The following EIF3H variants were observed in gnomAD, a reference collection of about 807,000 sequenced individuals.
The protein encoded by EIF3H is eIF-3-gamma.
In EIF3H, 26 loss-of-function variants were observed where a neutral mutation model predicts 44.2. That is an observed-to-expected ratio of 0.59 (90% confidence interval 0.43 to 0.82). The LOEUF (loss-of-function observed/expected upper bound fraction) is 0.82. Among genes scored for constraint, EIF3H ranks in the 40% least tolerant of loss-of-function variants. The pLI is 0.00. For synonymous variants in EIF3H, 166 were observed against 151.9 expected (o/e 1.09, Z -0.68); for missense variants, 359 against 432.8 (o/e 0.83, Z 1.51).
intron 2 of EIF3H, among the ~76,000 whole-genome samples, chr8:116,696,457 A>T (rs891285979): frequency 6.6e-6 from 1 of 152,244 alleles, no homozygotes; most frequent in Non-Finnish European, 1.5e-5. Context: ...GAATAGTTAC[A>T]AAGTTCCCCA....
intron 2 of EIF3H, among the ~76,000 whole-genome samples, chr8:116,723,285 T>C (rs954055856): frequency 2.6e-5 from 4 of 152,182 alleles, no homozygotes; most frequent in Middle Eastern, 3.2e-3. Context: ...CTAGTGATTA[T>C]TTAAATATAA....
At position 116,755,769 on chromosome 8, in the gene EIF3H, G is replaced by T. The variant is rs372852390; in HGVS notation, c.29C>A (p.Ser10Tyr). 2 of 1,613,958 alleles carry T rather than the reference G, an allele frequency of 1.2e-6. No individual in the cohort carries two copies. The highest frequency in any genetic ancestry group is 1.7e-5 in the Admixed American group (1 of 60,012). The change falls in exon 1 of 8, where the codon TCT becomes TAT. Residue 10 changes from serine (S) to tyrosine (Y), a missense_variant. Ser to Tyr is a moderately radical substitution (Grantham distance 144). Transcript: ENST00000521861. The part of the protein sequence containing the change: MASRKEGTG[S>Y]TATSSSSTAG... ...GGTGGAGCTGGAAGAGGTGGCAGTA[G>T]AGCCGGTACCTTCCTTGCGGGACGC...
chr8:116,662,851 G>C (rs1274377733), intron 2 of EIF3H, among the ~76,000 whole-genome samples: 1 of 152,180 alleles, frequency 6.6e-6, no homozygotes, highest in African/African-American at 2.4e-5. Context: ...ATGGCATGCT[G>C]GTTAAGTTTT....
chr8:116,729,271 C>T (rs1295928662), intron 1 of EIF3H, among the ~76,000 whole-genome samples: 1 of 152,178 alleles, frequency 6.6e-6, no homozygotes, highest in African/African-American at 2.4e-5. Flanking sequence ...AAAGGGAATA[C>T]TGGTGACTAG....
intron 7 of EIF3H, 91 bp downstream of exon 7, chr8:116,646,380 C>T (rs1329130810): frequency 1.3e-5 from 21 of 1,565,118 alleles, no homozygotes; most frequent in Middle Eastern, 1.8e-4. Context: ...CTAGCTTTTA[C>T]GGCATGCTTT....
At chr8:116,758,046 A>G (rs148187469), upstream of EIF3H, among the ~76,000 whole-genome samples, 3 of 152,338 alleles carry the variant, frequency 2.0e-5, no homozygotes, top group East Asian at 1.9e-4. Flanking sequence ...AAATATACCA[A>G]TTAAAGGAAA....
At chr8:116,752,413 C>T (rs1421185720) in intron 1 of EIF3H, among the ~76,000 whole-genome samples, 1 of 151,918 alleles carries the variant, frequency 6.6e-6, no homozygotes, top group African/African-American at 2.4e-5. Context: ...TGAGTGTTTA[C>T]GATGACACAG....
intron 2 of EIF3H, among the ~76,000 whole-genome samples, chr8:116,661,792 T>G (rs1813590010): frequency 6.6e-6 from 1 of 152,204 alleles, no homozygotes; most frequent in African/African-American, 2.4e-5. Context: ...CTTCCAAATT[T>G]CTTCTTTATC....
At chr8:116,738,787 C>A (rs1815083148) in intron 1 of EIF3H, among the ~76,000 whole-genome samples, 1 of 152,226 alleles carries the variant, frequency 6.6e-6, no homozygotes, top group East Asian at 1.9e-4. Flanking sequence ...TACGGAATGC[C>A]GAGGTTACAA....
chr8:116,739,373 G>A (rs1182557998), intron 1 of EIF3H, among the ~76,000 whole-genome samples: 4 of 152,318 alleles, frequency 2.6e-5, no homozygotes, highest in African/African-American at 7.2e-5. Context: ...TGTGGCGGCC[G>A]GGCGCCATGG....
chr8:116,721,852 A>G (rs932264783), intron 2 of EIF3H, among the ~76,000 whole-genome samples: 22 of 152,218 alleles, frequency 1.4e-4, no homozygotes, highest in African/African-American at 5.3e-4. Flanking sequence ...TACCCCCATC[A>G]TATCTAGGAA....
intron 2 of EIF3H, among the ~76,000 whole-genome samples, chr8:116,688,672 T>G (rs1390207550): frequency 6.6e-6 from 1 of 152,108 alleles, no homozygotes; most frequent in Non-Finnish European, 1.5e-5. Flanking sequence ...GAATCCATGG[T>G]GCTACCTATG....
intron 1 of EIF3H, among the ~76,000 whole-genome samples, chr8:116,753,065 T>A (rs1246188246): frequency 6.6e-6 from 1 of 152,186 alleles, no homozygotes; most frequent in East Asian, 1.9e-4. Flanking sequence ...ACCATTTAAA[T>A]GTTCCCTACA....
At chr8:116,755,887 G>C (rs1369549630), upstream of EIF3H, 6 of 1,572,598 alleles carry the variant, frequency 3.8e-6, no homozygotes, top group Middle Eastern at 1.7e-4. Flanking sequence ...GCCGGCGTTC[G>C]AGGGGCGGAG....
chr8:116,651,074 G>C (rs1056008117), intron 5 of EIF3H, among the ~76,000 whole-genome samples: 2 of 152,252 alleles, frequency 1.3e-5, no homozygotes, highest in African/African-American at 4.8e-5. Context: ...TCTAGAGCTA[G>C]TAATGGTTGT....
At chr8:116,655,169 T>C (rs897862611) in intron 5 of EIF3H, among the ~76,000 whole-genome samples, 1 of 151,932 alleles carries the variant, frequency 6.6e-6, no homozygotes, top group African/African-American at 2.4e-5. Context: ...TTCACATTTC[T>C]GTTAAGAGTA....
intron 2 of EIF3H, among the ~76,000 whole-genome samples, chr8:116,684,251 G>C (rs1206084655): frequency 6.6e-6 from 1 of 152,202 alleles, no homozygotes; most frequent in African/African-American, 2.4e-5. Flanking sequence ...GGGCAGAAAG[G>C]ATCAAGTTCT....
intron 2 of EIF3H, among the ~76,000 whole-genome samples, chr8:116,680,174 G>C (rs1443821593): frequency 3.2e-5 from 2 of 62,602 alleles, no homozygotes; most frequent in East Asian, 4.1e-4. Context: ...CCCTCTGCCT[G>C]GCCAGCCGCC....
intron 2 of EIF3H, among the ~76,000 whole-genome samples, chr8:116,683,563 G>A (rs1814026721): frequency 6.6e-6 from 1 of 152,232 alleles, no homozygotes; most frequent in South Asian, 2.1e-4. Context: ...AGGAATGTTA[G>A]ACATTCAGCC....
Sources: allele counts gnomAD v4.1 joint callset (sites outside exome capture counted in the v4.1 genomes callset), GRCh38; gene constraint gnomAD v4.1.1; transcripts MANE v1.5; gene names NCBI Gene and HGNC (gene_info 2026-07-23, HGNC 2026-07-21).